The following EVL variants were observed in gnomAD, a reference collection of about 807,000 sequenced individuals.
The protein encoded by EVL is ena/VASP-like protein.
EVL carries 21 observed loss-of-function variants against 59.6 expected under a neutral mutation model. The observed-to-expected ratio is 0.35, with a 90% CI of 0.25 to 0.51. The LOEUF (loss-of-function observed/expected upper bound fraction) is 0.51. Ranked by LOEUF, EVL falls within the 20% of genes least tolerant of loss-of-function variation. EVL has a pLI of 0.97. For synonymous variants in EVL, 198 were observed against 203.5 expected (o/e 0.97, Z 0.23); for missense variants, 462 against 546.6 (o/e 0.85, Z 1.54).
At chr14:100,079,466 G>A (rs2062243183) in intron 1 of EVL, among the ~76,000 whole-genome samples, 1 of 152,176 alleles carries the variant, frequency 6.6e-6, no homozygotes, top group Non-Finnish European at 1.5e-5. Context: ...CAGGCTGGTG[G>A]TGCAGACACC....
chr14:100,037,080 CTG>C (rs1431552958), intron 1 of EVL, among the ~76,000 whole-genome samples: 3 of 152,202 alleles, frequency 2.0e-5, no homozygotes, highest in Admixed American at 6.5e-5. Flanking sequence ...GCTTCCAAAA[CTG>C]TGAGAAAATA....
upstream of EVL, among the ~76,000 whole-genome samples, chr14:100,064,784 C>T (rs1019395590): frequency 6.6e-6 from 1 of 152,202 alleles, no homozygotes; most frequent in African/African-American, 2.4e-5. Context: ...GTGGCACATG[C>T]CTATAATCCC....
At chr14:100,123,727 G>A in intron 4 of EVL, 125 bp downstream of exon 4, 2 of 964,056 alleles carry the variant, frequency 2.1e-6, no homozygotes, top group Non-Finnish European at 3.2e-6. Flanking sequence ...ATACACTGCG[G>A]GAGGGTGCAA....
rs369044203 is a variant in EVL at position 100,109,321 on chromosome 14, A to T, written c.358+11663A>T. 1 of 350,556 alleles carries T rather than the reference A, an allele frequency of 2.9e-6. No individual in the cohort carries two copies. Among genetic ancestry groups the T allele is most frequent in the Non-Finnish European group, 5.6e-6 (1 of 177,776 alleles). 21.7% of individuals were successfully genotyped at this position (350,556 alleles called of 1,614,324 possible). A position where few individuals can be genotyped will look rare whatever the true frequency, so the allele number is the denominator to read the frequency against. ...CCATACTCCTGGTCACCTTCTGCTC[A>T]TCCTTTGCCCTGCTGTTGTGAAGCC... On this transcript the variant is annotated intron_variant, in intron 3 of 13. Transcript: ENST00000392920. The surrounding 1 kb of genome is among the most constrained non-coding windows in gnomAD (Gnocchi z 4.3).
intron 2 of EVL, among the ~76,000 whole-genome samples, chr14:100,095,686 A>G (rs1250387015): frequency 6.6e-6 from 1 of 152,138 alleles, no homozygotes; most frequent in Non-Finnish European, 1.5e-5. Flanking sequence ...GTGCCTGTCA[A>G]TATGTAACAA....
At chr14:100,074,247 G>A (rs1012102860) in intron 1 of EVL, among the ~76,000 whole-genome samples, 1 of 152,180 alleles carries the variant, frequency 6.6e-6, no homozygotes. Context: ...TTTCTCGTTA[G>A]AAGTTAAAAG....
At position 100,108,424 on chromosome 14, in the gene EVL, G is replaced by A. The variant is rs1338665410; in HGVS notation, c.358+10766G>A. ...CCTTGTGCCACCTGAGAGAAAGCAGGCCCAGCATGGCCCTGCCTGAGGGGA... is the reference window on the plus strand; with the variant it reads ...CCTTGTGCCACCTGAGAGAAAGCAGACCCAGCATGGCCCTGCCTGAGGGGA... On this transcript the variant is annotated intron_variant, in intron 3 of 13. Transcript: ENST00000392920. This position sits in a 1 kb window ranked among gnomAD's most constrained non-coding sequence, Gnocchi z 4.1. Among the ~76,000 whole-genome samples, 1 of 152,156 alleles carries A rather than the reference G, an allele frequency of 6.6e-6. No individual in the cohort carries two copies. Among genetic ancestry groups the A allele is most frequent in the East Asian group, 1.9e-4 (1 of 5,192 alleles).
Position 100,143,774 on chromosome 14 carries a change from T to C in EVL, c.*36T>C, listed in dbSNP as rs1889355922. The C allele has an allele frequency of 1.2e-6, 2 of 1,605,256 alleles. No individual in the cohort carries two copies. Among genetic ancestry groups the C allele is most frequent in the Non-Finnish European group, 1.7e-6 (2 of 1,176,224 alleles). On this transcript the variant is annotated 3_prime_UTR_variant, in exon 14 of 14. Transcript: ENST00000392920. ...TCGCTGCGCTGATTCGTCGAGCCCA[T>C]CCGGCGACAGAGGACAGCCAGAAGC...
intron 2 of EVL, among the ~76,000 whole-genome samples, chr14:100,089,801 C>G (rs2062525041): frequency 6.6e-6 from 1 of 152,100 alleles, no homozygotes; most frequent in Non-Finnish European, 1.5e-5. Flanking sequence ...GGTGTGGTGG[C>G]ATGTGCCTGT....
intron 3 of EVL, among the ~76,000 whole-genome samples, chr14:100,102,821 G>A (rs929148500): frequency 6.6e-6 from 1 of 152,140 alleles, no homozygotes; most frequent in Non-Finnish European, 1.5e-5. Flanking sequence ...ATAAAGGGTG[G>A]GCACAGTGGC....
At chr14:100,003,837 C>T (rs1394585716) in intron 1 of EVL, among the ~76,000 whole-genome samples, 1 of 152,114 alleles carries the variant, frequency 6.6e-6, no homozygotes, top group Non-Finnish European at 1.5e-5. Context: ...AGACCAATTA[C>T]CAAAAGGCAA....
At chr14:100,048,008 C>T (rs904744247) in intron 1 of EVL, among the ~76,000 whole-genome samples, 1 of 152,174 alleles carries the variant, frequency 6.6e-6, no homozygotes, top group African/African-American at 2.4e-5. Context: ...AAATCTAAAA[C>T]TATAAAACTT....
intron 1 of EVL, among the ~76,000 whole-genome samples, chr14:99,987,306 C>T (rs1056072052): frequency 5.3e-5 from 8 of 152,130 alleles, no homozygotes; most frequent in Non-Finnish European, 5.9e-5. Context: ...ATGATTAGGT[C>T]ATGAGGGTTG....
At chr14:100,023,248 G>C (rs2140205663) in intron 1 of EVL, among the ~76,000 whole-genome samples, 1 of 148,570 alleles carries the variant, frequency 6.7e-6, no homozygotes, top group East Asian at 2.0e-4. Flanking sequence ...TTTGTCACCT[G>C]GGTTGGCGTG....
Position 100,109,498 on chromosome 14 carries a change from A to G in EVL, c.358+11840A>G, listed in dbSNP as rs1274854663. On this transcript the variant is annotated intron_variant, in intron 3 of 13. Transcript: ENST00000392920. This position sits in a 1 kb window ranked among gnomAD's most constrained non-coding sequence, Gnocchi z 4.3. ...TGTGTCTCGGGAGCCCTGAAGAGAGACTGACACATCAGAGGTGTCTGGTGA... is the reference window on the plus strand; with the variant it reads ...TGTGTCTCGGGAGCCCTGAAGAGAGGCTGACACATCAGAGGTGTCTGGTGA... The G allele has an allele frequency of 2.2e-6, 1 of 448,798 alleles. No individual in the cohort carries two copies. The highest frequency in any genetic ancestry group is 4.6e-6 in the Non-Finnish European group (1 of 216,394). 27.8% of individuals were successfully genotyped at this position (448,798 alleles called of 1,614,324 possible). A position where few individuals can be genotyped will look rare whatever the true frequency, so the allele number is the denominator to read the frequency against.
At chr14:100,005,997 T>A (rs1158750615) in intron 1 of EVL, among the ~76,000 whole-genome samples, 1 of 110,972 alleles carries the variant, frequency 9.0e-6, no homozygotes, top group African/African-American at 3.5e-5. Context: ...TTTTCCCCTT[T>A]TGCTGGCCAT....
At chr14:100,072,513 G>A (rs1391501128) in intron 1 of EVL, among the ~76,000 whole-genome samples, 1 of 152,224 alleles carries the variant, frequency 6.6e-6, no homozygotes, top group Non-Finnish European at 1.5e-5. Context: ...GGGATTACAT[G>A]GGTAAGTTTT....
chr14:100,064,653 G>C (rs2061894434), upstream of EVL, among the ~76,000 whole-genome samples: 1 of 152,240 alleles, frequency 6.6e-6, no homozygotes, highest in South Asian at 2.1e-4. Flanking sequence ...GCTCACGCCT[G>C]TAATCTCAGC....
intron 1 of EVL, among the ~76,000 whole-genome samples, chr14:100,059,275 T>G (rs2140259621): frequency 6.6e-6 from 1 of 152,336 alleles, no homozygotes. Flanking sequence ...AGAAACACCA[T>G]GAGAAGCCCC....
Sources: gnomAD v4.1 joint callset for allele counts (sites outside exome capture counted in the v4.1 genomes callset) on GRCh38, gnomAD v4.1.1 for gene constraint, Gnocchi (gnomAD v3.1) non-coding constraint, MANE v1.5 for transcripts, NCBI Gene and HGNC (gene_info 2026-07-23, HGNC 2026-07-21) for gene names.